Variants in TMA16 observed in about 807,000 individuals in gnomAD.
TMA16 encodes the protein translation machinery associated 16 homolog, also known as translation machinery-associated protein 16.
In TMA16, 26 loss-of-function variants were observed where a neutral mutation model predicts 27.1. The ratio of observed to expected loss-of-function variants is 0.96; its 90% CI spans 0.70 to 1.33. The LOEUF (loss-of-function observed/expected upper bound fraction) is 1.33. Ranked by LOEUF, TMA16 falls within the 40% of genes most tolerant of loss-of-function variation. The probability of loss-of-function intolerance (pLI) is 0.00; values close to 1 mark genes in which losing one functional copy is unlikely to be tolerated. For missense variants in TMA16, 233 were observed against 241.4 expected (o/e 0.97, Z 0.23); for synonymous variants, 71 against 81.9 (o/e 0.87, Z 0.72).
At chr4:163,494,909 A>C in intron 1 of TMA16, 105 bp downstream of exon 1, 1 of 1,508,466 alleles carries the variant, frequency 6.6e-7, no homozygotes, top group Non-Finnish European at 9.1e-7. Context: ...AGGAGAGGGG[A>C]GGATGCAAAG....
intron 4 of TMA16, among the ~76,000 whole-genome samples, chr4:163,514,710 AG>A (rs752669103): frequency 1.4e-4 from 21 of 152,200 alleles, no homozygotes; most frequent in Non-Finnish European, 1.3e-4. Flanking sequence ...GGACACATTG[AG>A]AATGAAGAAA....
At chr4:163,505,687 G>C (rs1024080142) in intron 1 of TMA16, among the ~76,000 whole-genome samples, 1 of 152,142 alleles carries the variant, frequency 6.6e-6, no homozygotes. Context: ...GGAGAAGCAG[G>C]TTGGGGCTAG....
chr4:163,507,213 C>A, intron 2 of TMA16, 68 bp downstream of exon 2: 1 of 1,316,000 alleles, frequency 7.6e-7, no homozygotes, highest in Non-Finnish European at 1.1e-6. Flanking sequence ...ATCTTTCAAA[C>A]ATATATCCTT....
At chr4:163,498,310 CAG>C (rs1220301032) in intron 1 of TMA16, among the ~76,000 whole-genome samples, 3 of 125,928 alleles carry the variant, frequency 2.4e-5, no homozygotes, top group Admixed American at 9.3e-5. Flanking sequence ...TTTTTTGAGA[CAG>C]AGTCTTGCTC....
In TMA16 at chr4:163,520,119, CT is replaced by C. The variant is rs1737949935; in HGVS notation, c.*609del. 4 of 477,900 alleles carry C rather than the reference CT, an allele frequency of 8.4e-6. No homozygotes were observed. The highest frequency in any genetic ancestry group is 1.5e-5 in the Non-Finnish European group (4 of 270,056). 29.6% of individuals were successfully genotyped at this position (477,900 alleles called of 1,614,324 possible). Reference sequence around the variant, plus strand: ...TGTTGATCTCCCACAATTAATTTATCTTTTGACAAAGGGGATAAAGAGTTTC... The same window carrying C: ...TGTTGATCTCCCACAATTAATTTATCTTTGACAAAGGGGATAAAGAGTTTC... On this transcript the variant is annotated 3_prime_UTR_variant, in exon 7 of 7. Coordinates refer to ENST00000358572, the MANE Select transcript of TMA16 (RefSeq NM_018352.3).
intron 4 of TMA16, among the ~76,000 whole-genome samples, 179 bp downstream of exon 4, chr4:163,514,337 G>A (rs1160618163): frequency 1.3e-5 from 2 of 152,154 alleles, no homozygotes; most frequent in Non-Finnish European, 2.9e-5. Context: ...TCTCAGAGTG[G>A]TAGTTAGGCC....
chr4:163,494,982 C>A, intron 1 of TMA16, 178 bp downstream of exon 1: 1 of 884,108 alleles, frequency 1.1e-6, no homozygotes, highest in Non-Finnish European at 1.7e-6. Flanking sequence ...GTCCCAGGCC[C>A]AACGCCTGGA....
intron 1 of TMA16, 40 bp downstream of exon 1, chr4:163,494,844 C>T (rs761832538): frequency 6.4e-5 from 103 of 1,609,210 alleles, no homozygotes; most frequent in African/African-American, 1.3e-4. Context: ...TCGGTTGGTT[C>T]CCCGGAAGGC....
intron 1 of TMA16, among the ~76,000 whole-genome samples, chr4:163,506,570 G>A (rs1342535613): frequency 6.6e-6 from 1 of 152,024 alleles, no homozygotes; most frequent in East Asian, 1.9e-4. Context: ...AATTTGTACA[G>A]GCAATGAGCC....
At chr4:163,509,955 TATTG>T (rs1376021346) in intron 2 of TMA16, among the ~76,000 whole-genome samples, 2 of 152,208 alleles carry the variant, frequency 1.3e-5, no homozygotes, top group Non-Finnish European at 2.9e-5. Context: ...GAATTAATCT[TATTG>T]ATTCTCTTTA....
chr4:163,507,175 CGTT>C (rs1560913757), intron 2 of TMA16, 30 bp downstream of exon 2: 2 of 1,531,578 alleles, frequency 1.3e-6, no homozygotes, highest in Admixed American at 2.0e-5. Context: ...TTGTATTACT[CGTT>C]GGTAAAAAGC....
At chr4:163,513,155 A>G (rs771140983) in intron 3 of TMA16, among the ~76,000 whole-genome samples, 6 of 152,132 alleles carry the variant, frequency 3.9e-5, no homozygotes, top group Admixed American at 6.5e-5. Context: ...CTCCCTAACC[A>G]TTAGAATTAT....
chr4:163,510,043 ATCTC>A (rs1403632470), intron 2 of TMA16, among the ~76,000 whole-genome samples: 1 of 152,130 alleles, frequency 6.6e-6, no homozygotes, highest in African/African-American at 2.4e-5. Flanking sequence ...TAATTCTCAC[ATCTC>A]TCTACTTTTC....
chr4:163,509,760 G>A (rs374167497), intron 2 of TMA16, among the ~76,000 whole-genome samples: 4 of 152,132 alleles, frequency 2.6e-5, no homozygotes, highest in African/African-American at 7.2e-5. Context: ...GCACATTCCC[G>A]ACAATGAACA....
At chr4:163,514,423 T>G (rs1371079511) in intron 4 of TMA16, among the ~76,000 whole-genome samples, 4 of 152,084 alleles carry the variant, frequency 2.6e-5, no homozygotes, top group Admixed American at 1.3e-4. Context: ...GGTTAGCAGA[T>G]CGAGGCAAGG....
chr4:163,495,045 CTT>C (rs957532793), intron 1 of TMA16, among the ~76,000 whole-genome samples: 5 of 152,110 alleles, frequency 3.3e-5, no homozygotes, highest in Non-Finnish European at 7.4e-5. Flanking sequence ...CCTTGCTCCT[CTT>C]TGCCTTGTGC....
At chr4:163,519,031 C>T (rs1008735649) in intron 6 of TMA16, among the ~76,000 whole-genome samples, 1 of 152,050 alleles carries the variant, frequency 6.6e-6, no homozygotes, top group African/African-American at 2.4e-5. Flanking sequence ...CTGGGATGTA[C>T]TTCTGTGTGT....
chr4:163,500,356 G>A (rs13135963), intron 1 of TMA16, among the ~76,000 whole-genome samples: 62,330 of 151,492 alleles, frequency 0.41, 13,926 homozygotes, highest in Admixed American at 0.55. Flanking sequence ...GATTATAAGC[G>A]TGCACCACCA....
rs1737800007 is a variant in TMA16, at chr4:163,511,661, A to T, written c.117-1161A>T. On this transcript the variant is annotated intron_variant, in intron 2 of 6. Transcript: ENST00000358572. ...CTCTGTCTCTACAAAAATAAAAGTAAAAAAAAAAAAAAAAGTAGCCAGGCA... is the reference window on the plus strand; with the variant it reads ...CTCTGTCTCTACAAAAATAAAAGTATAAAAAAAAAAAAAAGTAGCCAGGCA... Among the ~76,000 whole-genome samples the T allele has an allele frequency of 2.8e-5, 4 of 143,496 alleles. No homozygotes were observed. In the South Asian group the frequency reaches 6.6e-4, roughly 24 times the overall value. The allele number at this position is 143,496 out of a possible 152,430, so 94.1% of individuals were successfully genotyped here.
Sources: gnomAD v4.1 joint callset for allele counts (sites outside exome capture counted in the v4.1 genomes callset) on GRCh38, gnomAD v4.1.1 for gene constraint, MANE v1.5 for transcripts, NCBI Gene and HGNC (gene_info 2026-07-23, HGNC 2026-07-21) for gene names.